ADGB: variants seen among roughly 807,000 people sequenced by gnomAD.
ADGB encodes androglobin.
A neutral mutation model predicts 210.5 loss-of-function variants in ADGB; 172 were observed. The ratio of observed to expected loss-of-function variants is 0.82; its 90% CI spans 0.72 to 0.93. The LOEUF (loss-of-function observed/expected upper bound fraction) is 0.93, where lower values mean the gene tolerates loss of function less well. ADGB is among the 40% of genes least tolerant of loss of function. The pLI is 0.00. For synonymous variants in ADGB, 658 were observed against 662.7 expected (o/e 0.99, Z 0.11); for missense variants, 2,025 against 1,964.8 (o/e 1.03, Z -0.58).
chr6:146,671,995 T>C (rs73571865), intron 7 of ADGB, among the ~76,000 whole-genome samples: 2,868 of 152,256 alleles, frequency 0.019, 101 homozygotes, highest in African/African-American at 0.064. Context: ...GATAACACCA[T>C]GGTTTTGGTC....
rs762263055 is a variant in ADGB at position 146,769,136 on chromosome 6, G to T, written c.3862+5G>T. ...TAAAGAAAAGTAATACCAAAGGTAT[G>T]TCACCCTAAATGTTTAAACATGCAC... is the stretch of plus-strand genomic sequence containing the variant. On this transcript the variant is annotated splice_donor_5th_base_variant and intron_variant, in intron 29 of 35. Coordinates refer to ENST00000397944, the MANE Select transcript of ADGB (RefSeq NM_024694.4). 1 of 1,457,004 alleles carries T rather than the reference G, an allele frequency of 6.9e-7. No homozygotes were observed. The highest frequency in any genetic ancestry group is 9.4e-7 in the Non-Finnish European group (1 of 1,068,868). 90.3% of individuals were successfully genotyped at this position (1,457,004 alleles called of 1,614,324 possible).
At chr6:146,701,467 G>A (rs1776489007) in intron 13 of ADGB, among the ~76,000 whole-genome samples, 1 of 151,946 alleles carries the variant, frequency 6.6e-6, no homozygotes, top group South Asian at 2.1e-4. Flanking sequence ...CTATCACAGT[G>A]TTAGTGGCTG....
chr6:146,681,834 T>C (rs1252754403), intron 9 of ADGB, among the ~76,000 whole-genome samples: 1 of 152,100 alleles, frequency 6.6e-6, no homozygotes, highest in African/African-American at 2.4e-5. Context: ...TCTTTAGATA[T>C]TGCCACATAG....
chr6:146,656,607 G>C (rs1234857445), intron 4 of ADGB, among the ~76,000 whole-genome samples, 164 bp from the exon 5 acceptor site: 3 of 152,098 alleles, frequency 2.0e-5, no homozygotes, highest in Admixed American at 6.6e-5. Flanking sequence ...ACAAAAGCAA[G>C]ACCTATAACT....
intron 25 of ADGB, among the ~76,000 whole-genome samples, chr6:146,745,329 T>C (rs189888731): frequency 1.1e-4 from 17 of 152,296 alleles, no homozygotes; most frequent in Middle Eastern, 6.8e-3. Flanking sequence ...AGCTATCCAA[T>C]TATGTTAAAC....
At position 146,654,206 on chromosome 6, in the gene ADGB, G is replaced by C; in HGVS notation, c.402G>C (p.Glu134Asp). 6.5e-7 allele frequency: 1 copy of C among 1,539,630 alleles called. No homozygotes were observed. Among genetic ancestry groups the C allele is most frequent in the Non-Finnish European group, 8.8e-7 (1 of 1,138,526 alleles). Reference protein sequence around the residue: ...FSANEHLLCSELMRWIISEIY... With the variant: ...FSANEHLLCSDLMRWIISEIY... ...CAAATGAACATTTACTCTGCAGCGAGGTATGTACAGAAATATGAACTAAAG... is the reference window on the plus strand; with the variant it reads ...CAAATGAACATTTACTCTGCAGCGACGTATGTACAGAAATATGAACTAAAG... The change falls in exon 4 of 36, where the codon GAG becomes GAC. Residue 134 changes from glutamate to aspartate, a missense_variant and splice_region_variant. Physicochemically the swap from Glu to Asp is conservative, Grantham distance 45. Coordinates refer to ENST00000397944, the MANE Select transcript of ADGB (RefSeq NM_024694.4).
intron 13 of ADGB, among the ~76,000 whole-genome samples, chr6:146,706,788 A>G (rs1776576059): frequency 7.1e-6 from 1 of 140,604 alleles, no homozygotes; most frequent in Admixed American, 7.0e-5. Context: ...CCTTTTTCTT[A>G]ATTAGTCTAG....
intron 29 of ADGB, among the ~76,000 whole-genome samples, chr6:146,778,898 C>G (rs1777758158): frequency 1.3e-5 from 2 of 151,946 alleles, no homozygotes. Flanking sequence ...CAATGAAAAA[C>G]CTGGCAAAAA....
intron 33 of ADGB, among the ~76,000 whole-genome samples, chr6:146,789,874 T>A (rs1777929973): frequency 6.6e-6 from 1 of 152,184 alleles, no homozygotes; most frequent in African/African-American, 2.4e-5. Flanking sequence ...AACCTGGACT[T>A]ACACCCAGCT....
rs191507718 is a variant in ADGB, at chr6:146,815,072, G to A, written c.4859G>A (p.Arg1620Gln). The change falls in exon 36 of 36, where the codon CGG becomes CAG. Residue 1620 changes from arginine to glutamine, a missense_variant. By Grantham distance (43) the Arg-to-Gln change is conservative. Coordinates refer to ENST00000397944, the MANE Select transcript of ADGB (RefSeq NM_024694.4). ...DEARQKIFDI[R>Q]EEYRNKLLEA... ...GCCCGACAGAAAATTTTCGACATCC[G>A]GGAAGAGTACAGAAACAAATTGCTG... 133 of 1,546,246 alleles carry A rather than the reference G, an allele frequency of 8.6e-5. No individual in the cohort carries two copies. The East Asian group carries it at 2.7e-3, about 31-fold the overall frequency.
intron 2 of ADGB, 151 bp from the exon 3 acceptor site, chr6:146,644,622 T>G: frequency 2.1e-6 from 1 of 472,560 alleles, no homozygotes; most frequent in Non-Finnish European, 3.8e-6. Context: ...CTTTAAATAC[T>G]CCATGAATTA....
At chr6:146,792,146 T>C (rs1453098643) in intron 33 of ADGB, among the ~76,000 whole-genome samples, 1 of 152,096 alleles carries the variant, frequency 6.6e-6, no homozygotes, top group African/African-American at 2.4e-5. Flanking sequence ...GTAATATGTT[T>C]TGAAGTCTGG....
intron 2 of ADGB, chr6:146,639,239 C>T (rs9322066): frequency 0.29 from 44,688 of 152,508 alleles, 7,533 homozygotes; most frequent in Admixed American, 0.4. Context: ...TTAGAGGTGG[C>T]GAAAGAATTT....
chr6:146,660,835 T>G (rs1399179852), intron 5 of ADGB, among the ~76,000 whole-genome samples: 1 of 152,226 alleles, frequency 6.6e-6, no homozygotes, highest in African/African-American at 2.4e-5. Flanking sequence ...CTCTTGTATT[T>G]TAATTTGTCT....
chr6:146,782,947 C>G (rs1407769941), intron 30 of ADGB, among the ~76,000 whole-genome samples: 2 of 152,124 alleles, frequency 1.3e-5, no homozygotes, highest in South Asian at 4.1e-4. Context: ...TTAAGCAGGA[C>G]TGGAACTAGG....
At chr6:146,721,663 C>G (rs1338498159) in intron 17 of ADGB, among the ~76,000 whole-genome samples, 158 bp downstream of exon 17, 1 of 139,342 alleles carries the variant, frequency 7.2e-6, no homozygotes, top group Non-Finnish European at 1.6e-5. Flanking sequence ...CATGGTGAAA[C>G]CTTGTCTCTA....
In ADGB at chr6:146,785,721, A is replaced by C; in HGVS notation, c.4315+9A>C. 1 of 1,537,496 alleles carries C rather than the reference A, an allele frequency of 6.5e-7. No homozygotes were observed. Among genetic ancestry groups the C allele is most frequent in the Non-Finnish European group, 8.8e-7 (1 of 1,134,768 alleles). ...TAAACCAAAAGAAGAAGGTGAGTGGATCCTACCACCCCAGCTGCCTCAGAG... is the reference window on the plus strand; with the variant it reads ...TAAACCAAAAGAAGAAGGTGAGTGGCTCCTACCACCCCAGCTGCCTCAGAG... On this transcript the variant is annotated intron_variant, in intron 32 of 35. Transcript: ENST00000397944.
At chr6:146,693,337 C>A (rs998506470) in intron 12 of ADGB, among the ~76,000 whole-genome samples, 1 of 152,082 alleles carries the variant, frequency 6.6e-6, no homozygotes, top group African/African-American at 2.4e-5. Context: ...CTGTCTCTTT[C>A]TGTCTGTCCA....
At chr6:146,730,864 G>A (rs547054057) in intron 20 of ADGB, among the ~76,000 whole-genome samples, 5 of 152,190 alleles carry the variant, frequency 3.3e-5, no homozygotes, top group South Asian at 2.1e-4. Context: ...GCTTGAACCC[G>A]GGAGGCAGAG....
Sources: gnomAD v4.1 joint callset for allele counts (sites outside exome capture counted in the v4.1 genomes callset) on GRCh38, gnomAD v4.1.1 for gene constraint, MANE v1.5 for transcripts, NCBI Gene and HGNC (gene_info 2026-07-23, HGNC 2026-07-21) for gene names.